Variants in GRM8 observed in about 807,000 individuals in gnomAD.
The protein encoded by GRM8 is metabotropic glutamate receptor 8.
A neutral mutation model predicts 87.2 loss-of-function variants in GRM8; 47 were observed. The observed-to-expected ratio is 0.54, with a 90% CI of 0.43 to 0.69. The LOEUF (loss-of-function observed/expected upper bound fraction) is 0.69, where lower values mean the gene tolerates loss of function less well. GRM8 is among the 30% of genes least tolerant of loss of function. GRM8 has a pLI of 0.00. For missense variants in GRM8, 1,019 were observed against 1,139.2 expected (o/e 0.89, Z 1.52); for synonymous variants, 396 against 404.5 (o/e 0.98, Z 0.25).
chr7:127,197,620 A>C (rs184797226), intron 2 of GRM8, among the ~76,000 whole-genome samples: 237 of 152,116 alleles, frequency 1.6e-3, no homozygotes, highest in Admixed American at 6.1e-3. Context: ...GGGGAACAGC[A>C]AAGGGAAAAC....
At chr7:126,458,849 T>C (rs1803561749) in intron 9 of GRM8, among the ~76,000 whole-genome samples, 1 of 151,228 alleles carries the variant, frequency 6.6e-6, no homozygotes, top group Non-Finnish European at 1.5e-5. Context: ...AAAAGGAAAG[T>C]ACAAACTATT....
rs150317162 is a variant in GRM8 at position 126,918,879 on chromosome 7, A to G, written c.728-14196T>C. On this transcript the variant is annotated intron_variant, in intron 3 of 10. Transcript: ENST00000339582. ...GCTTTCAACAATCCCAACATCACCC[A>G]AGCACAAAAATGAAAACCGATCAGA... is the stretch of plus-strand genomic sequence containing the variant. Among the ~76,000 whole-genome samples, 50 of 152,270 alleles carry G rather than the reference A, an allele frequency of 3.3e-4. No homozygotes were observed. The East Asian group carries it at 8.5e-3, about 26-fold the overall frequency.
intron 3 of GRM8, among the ~76,000 whole-genome samples, chr7:127,042,277 C>G (rs1206466561): frequency 1.3e-5 from 2 of 152,078 alleles, no homozygotes; most frequent in African/African-American, 4.8e-5. Context: ...AGGATTGCAA[C>G]AGGTTGGCAT....
intron 2 of GRM8, among the ~76,000 whole-genome samples, chr7:127,202,547 T>C (rs1039150870): frequency 6.6e-6 from 1 of 152,212 alleles, no homozygotes; most frequent in Non-Finnish European, 1.5e-5. Flanking sequence ...ATCTATTGAA[T>C]ACCTACTGGG....
At chr7:126,454,427 C>G (rs1274065846) in intron 9 of GRM8, among the ~76,000 whole-genome samples, 3 of 151,508 alleles carry the variant, frequency 2.0e-5, no homozygotes, top group Admixed American at 6.6e-5. Context: ...TCTCTATAAC[C>G]CTTTTTAAAG....
chr7:127,093,722 C>G (rs544877755), intron 3 of GRM8, among the ~76,000 whole-genome samples: 4 of 152,304 alleles, frequency 2.6e-5, no homozygotes, highest in African/African-American at 9.6e-5. Context: ...TAACAAGAAA[C>G]AAAATATGCT....
chr7:126,889,759 G>A (rs4326328), intron 6 of GRM8, among the ~76,000 whole-genome samples: 26,930 of 152,030 alleles, frequency 0.18, 2,459 homozygotes, highest in East Asian at 0.28. Context: ...TAATTTGTGT[G>A]TATTGCAAAT....
In GRM8 at chr7:126,864,825, A is replaced by T. The variant is rs142174528; in HGVS notation, c.1156+37717T>A. The stretch of plus-strand genomic sequence containing the variant: ...ACCATCCCTACAAGAAATCATTTCT[A>T]TAGTACAATCAGTGGTCTCTTCTGC... On this transcript the variant is annotated intron_variant, in intron 6 of 10. Coordinates refer to ENST00000339582, the MANE Select transcript of GRM8 (RefSeq NM_000845.3). Among the ~76,000 whole-genome samples the T allele has an allele frequency of 1.4e-3, 219 of 152,242 alleles. 1 individual carries two copies. The highest frequency in any genetic ancestry group is 5.1e-3 in the African/African-American group (213 of 41,544).
intron 6 of GRM8, among the ~76,000 whole-genome samples, chr7:126,876,132 C>T (rs556950967): frequency 3.9e-5 from 6 of 152,316 alleles, no homozygotes; most frequent in African/African-American, 1.4e-4. Context: ...CTGCCCTTCT[C>T]TGTGCTCCTT....
intron 2 of GRM8, among the ~76,000 whole-genome samples, chr7:127,146,745 C>T (rs892039088): frequency 2.6e-5 from 4 of 152,028 alleles, no homozygotes; most frequent in African/African-American, 7.2e-5. Context: ...CCTTCACAAA[C>T]ATCCCTCTGT....
intron 3 of GRM8, among the ~76,000 whole-genome samples, chr7:126,975,394 A>C (rs570897809): frequency 1.3e-5 from 2 of 152,370 alleles, no homozygotes; most frequent in East Asian, 3.9e-4. Flanking sequence ...GGGAGAAGGG[A>C]GGATGATGAA....
chr7:126,980,252 C>T (rs1413220119), intron 3 of GRM8, among the ~76,000 whole-genome samples: 1 of 151,478 alleles, frequency 6.6e-6, no homozygotes, highest in East Asian at 1.9e-4. Context: ...GACATGGCAC[C>T]TACTCTCATG....
In GRM8 at chr7:126,608,388, A is replaced by G. The variant is rs79230452; in HGVS notation, c.1494+974T>C. On this transcript the variant is annotated intron_variant, in intron 8 of 10. Transcript: ENST00000339582. ...GTGCTAACCCCACTGGGTACCCATC[A>G]GACTCCAGCCGAAAGAAACAGAACT... Among the ~76,000 whole-genome samples, 566 of 152,276 alleles carry G rather than the reference A, an allele frequency of 3.7e-3. 3 individuals are homozygous for G. The highest frequency in any genetic ancestry group is 0.01 in the Middle Eastern group (3 of 294).
chr7:126,903,811 A>G (rs536205463), intron 5 of GRM8, among the ~76,000 whole-genome samples, 161 bp downstream of exon 5: 210 of 146,106 alleles, frequency 1.4e-3, no homozygotes, highest in African/African-American at 5.1e-3. Flanking sequence ...ATGCATATGC[A>G]TGCTGGTTTA....
chr7:126,864,439 A>C (rs1339284553), intron 6 of GRM8, among the ~76,000 whole-genome samples: 2 of 151,980 alleles, frequency 1.3e-5, no homozygotes, highest in Non-Finnish European at 2.9e-5. Flanking sequence ...ATTTCTTTAT[A>C]ATTAACTTCA....
chr7:126,608,072 G>C (rs928413398), intron 8 of GRM8, among the ~76,000 whole-genome samples: 21 of 151,974 alleles, frequency 1.4e-4, no homozygotes, highest in Admixed American at 9.8e-4. Flanking sequence ...ATGGGGCAAA[G>C]GGCTGTTAAA....
intron 3 of GRM8, among the ~76,000 whole-genome samples, chr7:127,082,726 A>G (rs1485762745): frequency 6.6e-6 from 1 of 152,232 alleles, no homozygotes; most frequent in Non-Finnish European, 1.5e-5. Flanking sequence ...AACATTTCTT[A>G]AAAGCTTATT....
intron 8 of GRM8, among the ~76,000 whole-genome samples, chr7:126,595,864 G>C (rs528576975): frequency 6.6e-6 from 1 of 152,116 alleles, no homozygotes. Flanking sequence ...CCGGCTGGTC[G>C]CAGTAGCTCA....
chr7:127,051,918 G>C (rs923475689), intron 3 of GRM8, among the ~76,000 whole-genome samples: 2 of 152,112 alleles, frequency 1.3e-5, no homozygotes, highest in African/African-American at 4.8e-5. Flanking sequence ...GAAAGAGGAA[G>C]AAGGGGAATC....
Sources: gnomAD v4.1 joint callset for allele counts (sites outside exome capture counted in the v4.1 genomes callset) on GRCh38, gnomAD v4.1.1 for gene constraint, MANE v1.5 for transcripts, NCBI Gene and HGNC (gene_info 2026-07-23, HGNC 2026-07-21) for gene names.